The following WDPCP variants were observed in gnomAD, a reference collection of about 807,000 sequenced individuals.
WDPCP encodes WD repeat containing planar cell polarity effector.
A neutral mutation model predicts 93.1 loss-of-function variants in WDPCP; 71 were observed. The observed-to-expected ratio is 0.76, with a 90% CI of 0.63 to 0.93. The LOEUF (loss-of-function observed/expected upper bound fraction) is 0.93, where lower values mean the gene tolerates loss of function less well. WDPCP is among the 40% of genes least tolerant of loss of function. WDPCP has a pLI of 0.00. For missense variants in WDPCP, 844 were observed against 887.4 expected, an observed-to-expected ratio of 0.95 and a Z score of 0.62; for synonymous variants, 315 against 315.0, an observed-to-expected ratio of 1.00 and a Z score of 0.00.
intron 2 of WDPCP, among the ~76,000 whole-genome samples, chr2:63,664,623 G>A (rs1290868275): frequency 6.6e-6 from 1 of 152,210 alleles, no homozygotes; most frequent in Admixed American, 6.5e-5. Context: ...GGAGGCAGAA[G>A]CTGTTAATGT....
intron 14 of WDPCP, among the ~76,000 whole-genome samples, chr2:63,249,211 G>A (rs1188831073): frequency 6.6e-6 from 1 of 152,140 alleles, no homozygotes; most frequent in African/African-American, 2.4e-5. Context: ...TCTGAGCATA[G>A]GAATTGGCCT....
rs910118041 is a variant in WDPCP, at chr2:63,133,835, A to C, written c.2191-11779T>G. Among the ~76,000 whole-genome samples the C allele has an allele frequency of 3.3e-5, 5 of 152,180 alleles. 1 individual carries two copies. Among genetic ancestry groups the C allele is most frequent in the Admixed American group, 3.3e-4 (5 of 15,276 alleles). On this transcript the variant is annotated intron_variant, in intron 17 of 17. Transcript: ENST00000272321. ...ACTGCCATCTCCTCCAAACCAAGAC[A>C]ACGGCTGGGGAGGAGTGGAACAAGG... is the stretch of plus-strand genomic sequence containing the variant.
At chr2:63,401,953 C>A (rs1009190386) in intron 10 of WDPCP, among the ~76,000 whole-genome samples, 1 of 152,080 alleles carries the variant, frequency 6.6e-6, no homozygotes. Flanking sequence ...TACCATGTTA[C>A]CCAGCAATCC....
At chr2:63,465,173 C>A (rs1364016303) in intron 6 of WDPCP, among the ~76,000 whole-genome samples, 1 of 151,760 alleles carries the variant, frequency 6.6e-6, no homozygotes, top group Admixed American at 6.6e-5. Flanking sequence ...AAAGCAGGTA[C>A]CTGTGCCAGA....
intron 9 of WDPCP, among the ~76,000 whole-genome samples, chr2:63,431,621 G>T (rs987157514): frequency 1.2e-4 from 18 of 150,044 alleles, no homozygotes; most frequent in African/African-American, 4.4e-4. Flanking sequence ...TTTGGTTCAC[G>T]ATATTCTAAA....
At chr2:63,530,502 C>T (rs1343007199) in intron 1 of WDPCP, among the ~76,000 whole-genome samples, 1 of 152,022 alleles carries the variant, frequency 6.6e-6, no homozygotes, top group Non-Finnish European at 1.5e-5. Context: ...AGTTCCCCTC[C>T]TATAATGCAG....
chr2:63,321,708 A>T (rs1331889020), intron 12 of WDPCP, among the ~76,000 whole-genome samples: 1 of 152,146 alleles, frequency 6.6e-6, no homozygotes, highest in African/African-American at 2.4e-5. Flanking sequence ...CTGTCTTGTT[A>T]TACAGTATAT....
chr2:63,507,634 A>G (rs115710324), intron 1 of WDPCP, among the ~76,000 whole-genome samples: 1 of 152,152 alleles, frequency 6.6e-6, no homozygotes, highest in Non-Finnish European at 1.5e-5. Flanking sequence ...AACAAACTCC[A>G]CCGAGCTAAA....
chr2:63,593,813 C>T (rs1709249807), intron 3 of WDPCP, among the ~76,000 whole-genome samples: 1 of 152,062 alleles, frequency 6.6e-6, no homozygotes, highest in Non-Finnish European at 1.5e-5. Context: ...TCTTTTTTTA[C>T]TCAGAGTCAT....
chr2:63,461,252 G>A lies in WDPCP; in HGVS notation c.385-21381C>T, dbSNP rs532853769. Among the ~76,000 whole-genome samples the A allele has an allele frequency of 8.5e-5, 13 of 152,274 alleles. No individual in the cohort carries two copies. The South Asian group carries it at 1.9e-3, about 22-fold the overall frequency. On this transcript the variant is annotated intron_variant, in intron 6 of 17. Coordinates refer to ENST00000272321, the MANE Select transcript of WDPCP (RefSeq NM_015910.7). ...CCCCAGTGTTGGAGGTGGGGCCTGC[G>A]GGGAGGTATTTGGGTCACAGAGGCA...
intron 9 of WDPCP, among the ~76,000 whole-genome samples, chr2:63,417,796 G>C (rs2105325630): frequency 6.7e-6 from 1 of 148,520 alleles, no homozygotes; most frequent in East Asian, 2.0e-4. Flanking sequence ...ATTTTTAATT[G>C]AAAGAAAAAG....
intron 17 of WDPCP, among the ~76,000 whole-genome samples, chr2:63,123,056 A>T (rs1476325675): frequency 6.6e-6 from 1 of 151,946 alleles, no homozygotes; most frequent in Non-Finnish European, 1.5e-5. Context: ...TGAAAAAAAA[A>T]AAAAAACCTG....
chr2:63,237,477 G>A (rs528295197), intron 14 of WDPCP, among the ~76,000 whole-genome samples: 8 of 152,222 alleles, frequency 5.3e-5, no homozygotes, highest in African/African-American at 9.6e-5. Context: ...TCCCACTACC[G>A]TGTTTATACC....
intron 14 of WDPCP, among the ~76,000 whole-genome samples, chr2:63,203,253 A>G (rs1676063232): frequency 6.6e-6 from 1 of 152,136 alleles, no homozygotes. Flanking sequence ...AATGTATAAT[A>G]ATCACATTGT....
At chr2:63,755,305 C>T (rs1039268657) in intron 2 of WDPCP, among the ~76,000 whole-genome samples, 6 of 152,116 alleles carry the variant, frequency 3.9e-5, no homozygotes, top group East Asian at 1.9e-4. Flanking sequence ...TAGAGGAGCA[C>T]GTGTGGGAGG....
chr2:63,519,428 C>T (rs1702779613), intron 1 of WDPCP, among the ~76,000 whole-genome samples: 1 of 152,180 alleles, frequency 6.6e-6, no homozygotes, highest in South Asian at 2.1e-4. Context: ...TACATGCTGC[C>T]ATGTGGCTGG....
intron 12 of WDPCP, among the ~76,000 whole-genome samples, chr2:63,318,183 G>A (rs1686809003): frequency 6.6e-6 from 1 of 152,028 alleles, no homozygotes; most frequent in African/African-American, 2.4e-5. Context: ...ATCACTAATC[G>A]TTAGAGAAAT....
chr2:63,818,939 AAC>A (rs1446959672), intron 1 of WDPCP, among the ~76,000 whole-genome samples: 1 of 152,198 alleles, frequency 6.6e-6, no homozygotes, highest in African/African-American at 2.4e-5. Flanking sequence ...GTGTAACAAT[AAC>A]ACATATAAAT....
intron 13 of WDPCP, among the ~76,000 whole-genome samples, chr2:63,291,241 A>G (rs1056743913): frequency 1.3e-5 from 2 of 152,092 alleles, no homozygotes; most frequent in African/African-American, 2.4e-5. Flanking sequence ...GAGAATCCCT[A>G]TCTTTTCAAT....
Sources: allele counts gnomAD v4.1 joint callset (sites outside exome capture counted in the v4.1 genomes callset), GRCh38; gene constraint gnomAD v4.1.1; transcripts MANE v1.5; gene names NCBI Gene and HGNC (gene_info 2026-07-23, HGNC 2026-07-21).